AMBRA1: variants seen among roughly 807,000 people sequenced by gnomAD.
AMBRA1 encodes the protein autophagy and beclin 1 regulator 1.
A neutral mutation model predicts 125.4 loss-of-function variants in AMBRA1; 47 were observed. The observed-to-expected ratio is 0.37, with a 90% confidence interval of 0.30 to 0.48. The LOEUF (loss-of-function observed/expected upper bound fraction) is 0.48. Ranked by LOEUF, AMBRA1 falls within the 20% of genes least tolerant of loss-of-function variation. The pLI, the probability that AMBRA1 is intolerant of heterozygous loss-of-function variation, is 0.99. For synonymous variants in AMBRA1, 626 were observed against 655.5 expected (o/e 0.95, Z 0.69); for missense variants, 1,331 against 1,693.4 (o/e 0.79, Z 3.76).
chr11:46,549,761 G>C (rs1477434989), intron 1 of AMBRA1, among the ~76,000 whole-genome samples: 1 of 151,950 alleles, frequency 6.6e-6, no homozygotes, highest in Admixed American at 6.6e-5. Flanking sequence ...ATCCTAGAAT[G>C]GCCTCCATGT....
chr11:46,480,797 G>GACT (rs1950032198), intron 11 of AMBRA1, among the ~76,000 whole-genome samples: 2 of 152,138 alleles, frequency 1.3e-5, no homozygotes, highest in African/African-American at 4.8e-5. Flanking sequence ...TTCAAGGAAG[G>GACT]ACTACCTTTT....
intron 7 of AMBRA1, among the ~76,000 whole-genome samples, chr11:46,535,865 A>G (rs2093109467): frequency 6.6e-6 from 1 of 152,192 alleles, no homozygotes; most frequent in Admixed American, 6.5e-5. Context: ...TGTAAAGCCA[A>G]TATGAAGGAC....
intron 14 of AMBRA1, among the ~76,000 whole-genome samples, chr11:46,421,596 C>T (rs981741414): frequency 1.3e-5 from 2 of 152,190 alleles, no homozygotes; most frequent in African/African-American, 4.8e-5. Context: ...GACACTTGAA[C>T]AATGAGAATC....
intron 7 of AMBRA1, among the ~76,000 whole-genome samples, chr11:46,521,266 A>ACT (rs1951749360): frequency 6.6e-6 from 1 of 152,224 alleles, no homozygotes; most frequent in Non-Finnish European, 1.5e-5. Flanking sequence ...GCTCAGGTTA[A>ACT]AGTGCTGACA....
chr11:46,500,903 A>G (rs1950812383), intron 9 of AMBRA1, among the ~76,000 whole-genome samples: 1 of 152,192 alleles, frequency 6.6e-6, no homozygotes, highest in African/African-American at 2.4e-5. Flanking sequence ...CTATCTTTTT[A>G]GATACTTATG....
intron 13 of AMBRA1, among the ~76,000 whole-genome samples, chr11:46,434,644 C>A (rs1947630584): frequency 6.6e-6 from 1 of 152,188 alleles, no homozygotes; most frequent in South Asian, 2.1e-4. Flanking sequence ...GTAACAGGGG[C>A]ATGCGGTAGG....
At chr11:46,563,153 C>T (rs75743621) in intron 1 of AMBRA1, among the ~76,000 whole-genome samples, 209 of 152,208 alleles carry the variant, frequency 1.4e-3, no homozygotes, top group African/African-American at 4.9e-3. Flanking sequence ...ACCTGTAACC[C>T]AGCTAACTCA....
In AMBRA1 at chr11:46,512,741, G is replaced by A; in HGVS notation, c.2145C>T (p.Tyr715=). ...TTTGGCCTTACCTCGCTGGGTCTGG[G>A]TAAATTGGGTGCTCTCTGGATCCTG... ...DGAGSREHPI[Y]PDPARLSPAA... Residue 715 remains tyrosine, a synonymous_variant, in exon 8 of 18, where the codon TAC becomes TAT. Coordinates refer to ENST00000683756, the MANE Select transcript of AMBRA1 (RefSeq NM_001387011.1). 1.2e-6 allele frequency: 2 copies of A among 1,613,312 alleles called. No homozygotes were observed. The highest frequency in any genetic ancestry group is 1.7e-6 in the Non-Finnish European group (2 of 1,179,604).
chr11:46,433,640 C>T lies in AMBRA1; in HGVS notation c.2822-12G>A, dbSNP rs373805812. ...AATGGCATTGGGACCTGAGGGCCAA[C>T]AAAACAGAGAAATATTTCCTAGGCT... On this transcript the variant is annotated splice_polypyrimidine_tract_variant and intron_variant, in intron 13 of 17. Coordinates refer to ENST00000683756, the MANE Select transcript of AMBRA1 (RefSeq NM_001387011.1). 11 of 1,608,928 alleles carry T rather than the reference C, an allele frequency of 6.8e-6. No homozygotes were observed. The Admixed American group carries it at 1.3e-4, about 20-fold the overall frequency.
At chr11:46,443,823 C>A (rs944080777) in intron 11 of AMBRA1, among the ~76,000 whole-genome samples, 8 of 152,222 alleles carry the variant, frequency 5.3e-5, no homozygotes, top group Non-Finnish European at 1.2e-4. Flanking sequence ...ATTCATCAGT[C>A]CTTCCCATTG....
chr11:46,407,350 T>C (rs1264551378), intron 17 of AMBRA1, among the ~76,000 whole-genome samples: 1 of 152,244 alleles, frequency 6.6e-6, no homozygotes, highest in Non-Finnish European at 1.5e-5. Context: ...GCTGGCTCCA[T>C]TGAGAAGCCC....
intron 11 of AMBRA1, among the ~76,000 whole-genome samples, chr11:46,466,034 CAG>C (rs2136857162): frequency 6.6e-6 from 1 of 152,264 alleles, no homozygotes; most frequent in East Asian, 1.9e-4. Context: ...GATCTCAAAA[CAG>C]AAAGCTTTTT....
chr11:46,412,711 T>A (rs1458471474), intron 15 of AMBRA1, among the ~76,000 whole-genome samples: 1 of 152,212 alleles, frequency 6.6e-6, no homozygotes, highest in Non-Finnish European at 1.5e-5. Flanking sequence ...CTTCCTCTTC[T>A]AAACAGCCAT....
intron 13 of AMBRA1, among the ~76,000 whole-genome samples, chr11:46,433,983 C>T (rs61882704): frequency 0.061 from 9,199 of 151,796 alleles, 361 homozygotes; most frequent in Non-Finnish European, 0.09. Flanking sequence ...GGCGTGGTTG[C>T]GCATGCCTGT....
In AMBRA1 at chr11:46,443,550, T is replaced by C. The variant is rs145534913; in HGVS notation, c.2570A>G (p.Asn857Ser). The C allele has an allele frequency of 6.3e-5, 102 of 1,614,198 alleles. No individual in the cohort carries two copies. Among genetic ancestry groups the C allele is most frequent in the Middle Eastern group, 3.3e-4 (2 of 6,062 alleles). The change falls in exon 12 of 18, where the codon AAT becomes AGT. Residue 857 changes from asparagine (N) to serine (S), a missense_variant. Physicochemically the swap from Asn to Ser is conservative, Grantham distance 46. Transcript: ENST00000683756. Reference sequence around the variant, plus strand: ...CCACCACTGGAGCCGGTAGGTAGTATTGGCAATGTTACTGGCCACAGCAGA... The same window carrying C: ...CCACCACTGGAGCCGGTAGGTAGTACTGGCAATGTTACTGGCCACAGCAGA... ...GQSAVASNIA[N>S]TTYRLQWWDF... is the part of the protein sequence containing the mutation.
chr11:46,414,821 C>T (rs1202067777), intron 15 of AMBRA1, among the ~76,000 whole-genome samples: 1 of 152,154 alleles, frequency 6.6e-6, no homozygotes, highest in Non-Finnish European at 1.5e-5. Flanking sequence ...TGTCTTCTTG[C>T]CTGTCCTAAG....
intron 1 of AMBRA1, among the ~76,000 whole-genome samples, chr11:46,590,024 A>C (rs981182098): frequency 6.6e-6 from 1 of 152,118 alleles, no homozygotes; most frequent in African/African-American, 2.4e-5. Flanking sequence ...TGATCAAAAC[A>C]AAAGTTTTAT....
At chr11:46,466,263 C>A (rs970420504) in intron 11 of AMBRA1, among the ~76,000 whole-genome samples, 3 of 152,022 alleles carry the variant, frequency 2.0e-5, no homozygotes, top group African/African-American at 7.2e-5. Context: ...AGGAGAATCA[C>A]TTGAACCCAG....
intron 7 of AMBRA1, among the ~76,000 whole-genome samples, chr11:46,541,740 T>C (rs150438990): frequency 1.3e-5 from 2 of 152,356 alleles, no homozygotes; most frequent in East Asian, 1.9e-4. Context: ...GAAATAGAGC[T>C]AGCGCAGCCA....
Sources: gnomAD v4.1 joint callset for allele counts (sites outside exome capture counted in the v4.1 genomes callset) on GRCh38, gnomAD v4.1.1 for gene constraint, MANE v1.5 for transcripts, NCBI Gene and HGNC (gene_info 2026-07-23, HGNC 2026-07-21) for gene names.